The following FARP1 variants were observed in gnomAD, a reference collection of about 807,000 sequenced individuals.
FARP1 encodes the protein FERM, ARHGEF and pleckstrin domain-containing protein 1.
Under a neutral mutation model 128.8 loss-of-function variants are expected in FARP1, and 52 were observed. The observed-to-expected ratio is 0.40, with a 90% CI of 0.32 to 0.51. The LOEUF is 0.51. Ranked by LOEUF, FARP1 falls within the 20% of genes least tolerant of loss-of-function variation. FARP1 has a pLI of 0.45. For synonymous variants in FARP1, 580 were observed against 551.8 expected (o/e 1.05, Z -0.72); for missense variants, 1,333 against 1,367.9 (o/e 0.97, Z 0.40).
chr13:98,439,183 T>C lies in FARP1; in HGVS notation c.2420T>C (p.Leu807Pro). ...NQFKVHGQLP[L>P]YGMTIEESED... The stretch of plus-strand genomic sequence containing the variant: ...TTTAAAGTCCACGGGCAGCTCCCGC[T>C]CTATGGCATGACGGTGAGTACAGCA... The change falls in exon 21 of 27, where the codon CTC becomes CCC. Residue 807 changes from leucine to proline, a missense_variant. Physicochemically the swap from Leu to Pro is moderately conservative, Grantham distance 98. Coordinates refer to ENST00000319562, the MANE Select transcript of FARP1 (RefSeq NM_005766.4). The C allele has an allele frequency of 6.2e-7, 1 of 1,613,014 alleles. No homozygotes were observed.
chr13:98,419,255 C>T (rs952027894), intron 16 of FARP1, among the ~76,000 whole-genome samples: 3 of 152,150 alleles, frequency 2.0e-5, no homozygotes, highest in African/African-American at 7.2e-5. Flanking sequence ...GGGTGGATCA[C>T]CTGAGGTCAG....
intron 2 of FARP1, among the ~76,000 whole-genome samples, chr13:98,257,747 A>G (rs1444863813): frequency 6.6e-6 from 1 of 152,072 alleles, no homozygotes; most frequent in East Asian, 1.9e-4. Context: ...TCCAGCCTGG[A>G]TGACGGAGCA....
chr13:98,338,326 C>G (rs895106843), intron 2 of FARP1, among the ~76,000 whole-genome samples: 2 of 152,156 alleles, frequency 1.3e-5, no homozygotes, highest in Non-Finnish European at 2.9e-5. Flanking sequence ...TTCCCCTCCC[C>G]AAAGCCCCTG....
intron 3 of FARP1, among the ~76,000 whole-genome samples, chr13:98,345,830 CA>C (rs1888156458): frequency 6.6e-6 from 1 of 152,150 alleles, no homozygotes; most frequent in South Asian, 2.1e-4. Context: ...CAAAAGCAGC[CA>C]CAGATAATAT....
chr13:98,353,459 A>G (rs370914456), intron 3 of FARP1, among the ~76,000 whole-genome samples: 6 of 152,076 alleles, frequency 3.9e-5, no homozygotes, highest in African/African-American at 1.2e-4. Flanking sequence ...GCTCACTGCA[A>G]CCTCCGCCTC....
At chr13:98,316,035 G>A (rs748320113) in intron 2 of FARP1, among the ~76,000 whole-genome samples, 5 of 152,186 alleles carry the variant, frequency 3.3e-5, no homozygotes, top group African/African-American at 4.8e-5. Context: ...CGGGGAATGC[G>A]GAGGAATCTG....
At chr13:98,348,476 G>C (rs1014295184) in intron 3 of FARP1, among the ~76,000 whole-genome samples, 3 of 152,346 alleles carry the variant, frequency 2.0e-5, no homozygotes, top group Non-Finnish European at 4.4e-5. Flanking sequence ...AGCTGGCCAG[G>C]GGACTCCCTC....
chr13:98,315,687 C>T (rs1301675232), intron 2 of FARP1, among the ~76,000 whole-genome samples: 2 of 152,106 alleles, frequency 1.3e-5, no homozygotes, highest in African/African-American at 2.4e-5. Flanking sequence ...TTCCTTCCTT[C>T]GCCTCGTGGT....
intron 6 of FARP1, among the ~76,000 whole-genome samples, chr13:98,379,414 G>A (rs1889802552): frequency 1.3e-5 from 2 of 151,106 alleles, no homozygotes; most frequent in South Asian, 2.1e-4. Context: ...AGAGGGAGAG[G>A]AGGGAGAGGA....
At chr13:98,229,100 T>G (rs1292470843) in intron 2 of FARP1, among the ~76,000 whole-genome samples, 1 of 152,218 alleles carries the variant, frequency 6.6e-6, no homozygotes, top group South Asian at 2.1e-4. Flanking sequence ...TTGAATAACA[T>G]ATGACATTCC....
intron 1 of FARP1, among the ~76,000 whole-genome samples, chr13:98,201,563 T>A (rs1180614753): frequency 6.6e-6 from 1 of 152,192 alleles, no homozygotes; most frequent in Non-Finnish European, 1.5e-5. Flanking sequence ...TGGCAGATGG[T>A]TGAAATGCCT....
intron 2 of FARP1, among the ~76,000 whole-genome samples, chr13:98,220,639 A>G (rs1271274453): frequency 6.6e-6 from 1 of 152,174 alleles, no homozygotes; most frequent in Admixed American, 6.5e-5. Flanking sequence ...TATTTTGGCT[A>G]TTTTAATAGA....
At chr13:98,438,680 G>A in intron 19 of FARP1, 124 bp from the exon 20 acceptor site, 1 of 723,126 alleles carries the variant, frequency 1.4e-6, no homozygotes, top group Non-Finnish European at 2.4e-6. Context: ...TCCGTTCTTG[G>A]GGTCTGCACG....
Position 98,446,095 on chromosome 13 carries a change from C to T in FARP1, c.2797-3C>T, listed in dbSNP as rs74454775. 339 of 1,609,214 alleles carry T rather than the reference C, an allele frequency of 2.1e-4. No individual in the cohort carries two copies. In the African/African-American group the frequency reaches 4.1e-3, roughly 20 times the overall value. On this transcript the variant is annotated splice_polypyrimidine_tract_variant and splice_region_variant and intron_variant, in intron 24 of 26. Coordinates refer to ENST00000319562, the MANE Select transcript of FARP1 (RefSeq NM_005766.4). The stretch of plus-strand genomic sequence containing the variant: ...GCTTCTCACAGGCCTCCTTGCCTTT[C>T]AGAATCAGTTGTCTGGAAACCTGCT...
intron 15 of FARP1, among the ~76,000 whole-genome samples, chr13:98,411,440 C>G (rs1003892232): frequency 6.6e-6 from 1 of 152,158 alleles, no homozygotes; most frequent in African/African-American, 2.4e-5. Flanking sequence ...CAGCTCACCT[C>G]AGCGACAGGA....
chr13:98,197,531 G>A (rs1421305289), intron 1 of FARP1, among the ~76,000 whole-genome samples: 3 of 152,116 alleles, frequency 2.0e-5, no homozygotes, highest in Admixed American at 2.0e-4. Flanking sequence ...ACAGGATGCA[G>A]GTAACATTTA....
intron 2 of FARP1, among the ~76,000 whole-genome samples, chr13:98,324,972 G>GT (rs1887170108): frequency 6.6e-6 from 1 of 152,200 alleles, no homozygotes; most frequent in African/African-American, 2.4e-5. Context: ...TTAATGCTCT[G>GT]TTTTTTGAGG....
At chr13:98,234,416 T>C (rs1021979988) in intron 2 of FARP1, 5 of 152,216 alleles carry the variant, frequency 3.3e-5, no homozygotes, top group African/African-American at 1.2e-4. Context: ...TCTAAGCCAG[T>C]TTACTGATTA....
chr13:98,204,769 G>A (rs1880163699), intron 1 of FARP1, among the ~76,000 whole-genome samples: 1 of 152,142 alleles, frequency 6.6e-6, no homozygotes, highest in Non-Finnish European at 1.5e-5. Context: ...AGACTAGCCT[G>A]GGCAACATAG....
Sources: allele counts gnomAD v4.1 joint callset (sites outside exome capture counted in the v4.1 genomes callset), GRCh38; gene constraint gnomAD v4.1.1; transcripts MANE v1.5; gene names NCBI Gene and HGNC (gene_info 2026-07-23, HGNC 2026-07-21).